CCSER1: variants seen among roughly 807,000 people sequenced by gnomAD.
The protein encoded by CCSER1 is serine-rich coiled-coil domain-containing protein 1.
Under a neutral mutation model 82.0 loss-of-function variants are expected in CCSER1, and 41 were observed. That is an observed-to-expected ratio of 0.50 (90% CI 0.39 to 0.65). The LOEUF (loss-of-function observed/expected upper bound fraction) is 0.65, where lower values mean the gene tolerates loss of function less well. Among genes scored for constraint, CCSER1 ranks in the 30% least tolerant of loss-of-function variants. The pLI is 0.00. For synonymous variants in CCSER1, 414 were observed against 383.9 expected, an observed-to-expected ratio of 1.08 and a Z score of -0.92; for missense variants, 1,119 against 1,064.2, an observed-to-expected ratio of 1.05 and a Z score of -0.72.
At chr4:90,949,738 G>T (rs1049729512) in intron 9 of CCSER1, among the ~76,000 whole-genome samples, 30 of 151,844 alleles carry the variant, frequency 2.0e-4, no homozygotes, top group Non-Finnish European at 3.7e-4. Flanking sequence ...CTAACCTATG[G>T]CATTTACATC....
chr4:91,065,692 A>G (rs928510513), intron 9 of CCSER1, among the ~76,000 whole-genome samples: 4 of 152,074 alleles, frequency 2.6e-5, no homozygotes, highest in African/African-American at 9.7e-5. Context: ...TGTTTAAACA[A>G]ATTCCTTGGG....
chr4:90,860,173 A>G (rs553983547), intron 8 of CCSER1, among the ~76,000 whole-genome samples: 17 of 151,784 alleles, frequency 1.1e-4, no homozygotes, highest in African/African-American at 3.4e-4. Flanking sequence ...AAAATAACCT[A>G]GTTTTAAAAT....
At chr4:91,101,274 A>G (rs752366045) in intron 10 of CCSER1, among the ~76,000 whole-genome samples, 1 of 152,244 alleles carries the variant, frequency 6.6e-6, no homozygotes, top group Non-Finnish European at 1.5e-5. Flanking sequence ...GAGTTCCCCA[A>G]AAGGGACACT....
intron 10 of CCSER1, among the ~76,000 whole-genome samples, chr4:91,151,816 T>C (rs1414617546): frequency 1.3e-5 from 2 of 152,242 alleles, no homozygotes; most frequent in Non-Finnish European, 1.5e-5. Context: ...AGTTCTAATT[T>C]GATTCCACTG....
chr4:90,329,081 T>A (rs1156927395), intron 3 of CCSER1, among the ~76,000 whole-genome samples: 1 of 152,274 alleles, frequency 6.6e-6, no homozygotes, highest in African/African-American at 2.4e-5. Flanking sequence ...ATGAAACTTG[T>A]CTGAAATAAA....
chr4:90,646,106 G>A (rs1237170484), intron 6 of CCSER1, among the ~76,000 whole-genome samples: 1 of 152,032 alleles, frequency 6.6e-6, no homozygotes, highest in East Asian at 1.9e-4. Flanking sequence ...TATTGCCATG[G>A]ATACATATAA....
chr4:91,445,160 C>T (rs1452145590), intron 10 of CCSER1, among the ~76,000 whole-genome samples: 1 of 152,108 alleles, frequency 6.6e-6, no homozygotes, highest in Non-Finnish European at 1.5e-5. Flanking sequence ...TAACAATCTC[C>T]CCTTTGCTTC....
intron 10 of CCSER1, among the ~76,000 whole-genome samples, chr4:91,521,082 T>C (rs1286657515): frequency 6.6e-6 from 1 of 152,156 alleles, no homozygotes; most frequent in Non-Finnish European, 1.5e-5. Flanking sequence ...CCCCGCAATG[T>C]GTCCAGGTGT....
intron 8 of CCSER1, among the ~76,000 whole-genome samples, chr4:90,876,483 A>G (rs1007510819): frequency 6.6e-6 from 1 of 152,118 alleles, no homozygotes; most frequent in Non-Finnish European, 1.5e-5. Flanking sequence ...GATTAAAAAG[A>G]TGAAACTAAG....
At chr4:91,319,741 C>A (rs6816636) in intron 10 of CCSER1, 340,050 of 455,214 alleles carry the variant, frequency 0.75, 128,662 homozygotes, top group African/African-American at 0.93. Context: ...GAGGCAGAAG[C>A]ACCATTTGTT....
intron 9 of CCSER1, among the ~76,000 whole-genome samples, chr4:91,079,137 A>G (rs753113989): frequency 1.3e-5 from 2 of 152,222 alleles, no homozygotes; most frequent in Non-Finnish European, 2.9e-5. Flanking sequence ...CAGATTCACC[A>G]AAGTTGAAAC....
chr4:90,639,011 G>A (rs1425740734), intron 6 of CCSER1, among the ~76,000 whole-genome samples: 2 of 152,114 alleles, frequency 1.3e-5, no homozygotes, highest in East Asian at 3.9e-4. Flanking sequence ...GGACAATTAA[G>A]CAATAAAATG....
At chr4:91,538,888 A>G (rs1413762558) in intron 10 of CCSER1, among the ~76,000 whole-genome samples, 2 of 151,792 alleles carry the variant, frequency 1.3e-5, no homozygotes, top group Non-Finnish European at 2.9e-5. Flanking sequence ...AGTGTAGTCT[A>G]TTCTAATGCT....
In CCSER1 at chr4:91,206,627, C is replaced by G. The variant is rs377307047; in HGVS notation, c.2217+120633C>G. On this transcript the variant is annotated intron_variant, in intron 10 of 10. Transcript: ENST00000509176. ...AGAAGGGCTGGGGATTAGCAGGTAACTTTGGCAGATTGAAAGGCACTCTGA... is the reference window on the plus strand; with the variant it reads ...AGAAGGGCTGGGGATTAGCAGGTAAGTTTGGCAGATTGAAAGGCACTCTGA... 2.2e-4 allele frequency among the ~76,000 whole-genome samples: 34 copies of G among 151,934 alleles called. 1 individual carries two copies. Among genetic ancestry groups the G allele is most frequent in the East Asian group, 1.7e-3 (9 of 5,156 alleles).
At chr4:90,310,514 C>A (rs1735108176) in intron 2 of CCSER1, among the ~76,000 whole-genome samples, 2 of 152,018 alleles carry the variant, frequency 1.3e-5, no homozygotes, top group Admixed American at 1.3e-4. Context: ...GAAATTGCTA[C>A]TATTATTATA....
intron 8 of CCSER1, among the ~76,000 whole-genome samples, chr4:90,895,362 T>C (rs1242958768): frequency 6.6e-6 from 1 of 151,956 alleles, no homozygotes; most frequent in Non-Finnish European, 1.5e-5. Context: ...AAATATTTGA[T>C]GATTGGCTTC....
At chr4:90,233,132 C>G (rs570723617) in intron 1 of CCSER1, among the ~76,000 whole-genome samples, 1 of 151,978 alleles carries the variant, frequency 6.6e-6, no homozygotes, top group South Asian at 2.1e-4. Flanking sequence ...GGGTATATAC[C>G]CAAAGGACTA....
chr4:91,387,871 A>G (rs374426651), intron 10 of CCSER1, among the ~76,000 whole-genome samples: 13 of 152,118 alleles, frequency 8.5e-5, no homozygotes, highest in African/African-American at 1.9e-4. Context: ...TAATTCTTTA[A>G]TAACTTTTCT....
At chr4:91,217,135 C>T (rs991262163) in intron 10 of CCSER1, among the ~76,000 whole-genome samples, 6 of 151,828 alleles carry the variant, frequency 4.0e-5, no homozygotes, top group African/African-American at 1.5e-4. Context: ...CAGACCTTCA[C>T]GGTGAGTGTT....
Sources: allele counts gnomAD v4.1 joint callset (sites outside exome capture counted in the v4.1 genomes callset), GRCh38; gene constraint gnomAD v4.1.1; transcripts MANE v1.5; gene names NCBI Gene and HGNC (gene_info 2026-07-23, HGNC 2026-07-21).